Variants in ERC1 observed in about 807,000 individuals in gnomAD.
ERC1 encodes the protein ELKS/RAB6-interacting/CAST family member 1, also known as RAB6 interacting protein 2.
A neutral mutation model predicts 132.0 loss-of-function variants in ERC1; 56 were observed. The ratio of observed to expected loss-of-function variants is 0.42; its 90% confidence interval spans 0.34 to 0.53. ERC1 has a LOEUF of 0.53. ERC1 is among the 20% of genes least tolerant of loss of function. The pLI is 0.03. For missense variants in ERC1, 1,202 were observed against 1,349.9 expected (o/e 0.89, Z 1.72); for synonymous variants, 478 against 476.1 (o/e 1.00, Z -0.05).
chr12:1,296,401 C>CTTTTTTTTTTTTTTTTTTTTTT (rs57458560), intron 15 of ERC1, among the ~76,000 whole-genome samples: 1 of 76,206 alleles, frequency 1.3e-5, no homozygotes, highest in Non-Finnish European at 2.4e-5. Flanking sequence ...ATTGGATAGT[C>CTTTTTTTTTTTTTTTTTTTTTT]TTTTTTTTTT....
At chr12:1,296,452 C>T (rs182865577) in intron 15 of ERC1, among the ~76,000 whole-genome samples, 2 of 119,774 alleles carry the variant, frequency 1.7e-5, no homozygotes, top group African/African-American at 6.5e-5. Flanking sequence ...TCGCTCTTGT[C>T]CCCCAGGCTG....
At chr12:1,381,339 TA>T (rs1163643454) in intron 16 of ERC1, 6 of 152,116 alleles carry the variant, frequency 3.9e-5, no homozygotes, top group Non-Finnish European at 4.4e-5. Flanking sequence ...CAACGGCCCT[TA>T]TTTTTTTATT....
chr12:1,442,295 ACTAT>A (rs2093177691), intron 17 of ERC1, among the ~76,000 whole-genome samples: 1 of 152,200 alleles, frequency 6.6e-6, no homozygotes, highest in South Asian at 2.1e-4. Flanking sequence ...TTTGCAAAAA[ACTAT>A]CCAGCTCCCC....
At chr12:1,363,632 G>T (rs1054258494) in intron 15 of ERC1, among the ~76,000 whole-genome samples, 1 of 141,688 alleles carries the variant, frequency 7.1e-6, no homozygotes, top group African/African-American at 2.6e-5. Context: ...ACGGCTCACT[G>T]CAGCCTCGAC....
At chr12:1,350,463 C>T (rs1040487340) in intron 15 of ERC1, among the ~76,000 whole-genome samples, 2 of 152,160 alleles carry the variant, frequency 1.3e-5, no homozygotes, top group African/African-American at 4.8e-5. Flanking sequence ...TACAGGCTGG[C>T]TGTACTGACC....
At chr12:1,332,066 T>C (rs2082906745) in intron 15 of ERC1, among the ~76,000 whole-genome samples, 1 of 152,238 alleles carries the variant, frequency 6.6e-6, no homozygotes, top group South Asian at 2.1e-4. Context: ...TCATTTTCAC[T>C]ATTCTCACCT....
intron 15 of ERC1, among the ~76,000 whole-genome samples, chr12:1,318,105 A>C (rs2081892079): frequency 6.6e-6 from 1 of 152,208 alleles, no homozygotes; most frequent in Admixed American, 6.5e-5. Flanking sequence ...AATTTCCATG[A>C]TGTGATATCT....
chr12:1,109,100 G>A (rs1351924109), intron 4 of ERC1, among the ~76,000 whole-genome samples: 2 of 152,184 alleles, frequency 1.3e-5, no homozygotes, highest in Admixed American at 6.5e-5. Context: ...AGCACCTGCA[G>A]CTACAGATAC....
chr12:1,171,517 A>G (rs1366117445), intron 8 of ERC1, among the ~76,000 whole-genome samples: 1 of 152,120 alleles, frequency 6.6e-6, no homozygotes, highest in African/African-American at 2.4e-5. Context: ...CTCTTTGCCA[A>G]CTGATTATGA....
chr12:1,155,058 C>G (rs1331367773), intron 8 of ERC1, among the ~76,000 whole-genome samples: 1 of 152,148 alleles, frequency 6.6e-6, no homozygotes, highest in Non-Finnish European at 1.5e-5. Flanking sequence ...TGGCTCACAC[C>G]TGTAGTCCCA....
At chr12:1,366,263 A>G (rs1263784437) in intron 15 of ERC1, among the ~76,000 whole-genome samples, 4 of 152,264 alleles carry the variant, frequency 2.6e-5, no homozygotes, top group Admixed American at 1.3e-4. Flanking sequence ...AAACAGACCA[A>G]TAAACCAGAA....
At chr12:1,334,725 G>C (rs968834843) in intron 15 of ERC1, among the ~76,000 whole-genome samples, 4 of 152,024 alleles carry the variant, frequency 2.6e-5, no homozygotes, top group Non-Finnish European at 5.9e-5. Flanking sequence ...ATCTTTTTTG[G>C]TTTTCATATG....
chr12:1,131,653 G>A (rs1467864553), intron 7 of ERC1, among the ~76,000 whole-genome samples: 1 of 151,876 alleles, frequency 6.6e-6, no homozygotes, highest in Non-Finnish European at 1.5e-5. Context: ...TTTTAGTAGA[G>A]ATGGGGTTTC....
At chr12:1,231,566 C>T (rs931210078) in intron 12 of ERC1, among the ~76,000 whole-genome samples, 1 of 152,136 alleles carries the variant, frequency 6.6e-6, no homozygotes, top group East Asian at 1.9e-4. Context: ...AGTTTCAACT[C>T]AGCTCCCTTT....
At chr12:1,130,619 C>T (rs904315732) in intron 7 of ERC1, among the ~76,000 whole-genome samples, 3 of 130,620 alleles carry the variant, frequency 2.3e-5, no homozygotes, top group East Asian at 2.3e-4. Context: ...TATAAATTTG[C>T]GAAACGTATA....
chr12:1,339,668 G>T (rs966316602), intron 15 of ERC1, among the ~76,000 whole-genome samples: 1 of 152,214 alleles, frequency 6.6e-6, no homozygotes, highest in African/African-American at 2.4e-5. Context: ...CAGCCTGGGG[G>T]GCCAGAGAGC....
chr12:1,074,357 G>A (rs1397278835), intron 2 of ERC1, among the ~76,000 whole-genome samples: 1 of 151,834 alleles, frequency 6.6e-6, no homozygotes, highest in East Asian at 1.9e-4. Flanking sequence ...ACCCAGGCTG[G>A]AGTGCAGTGG....
chr12:1,257,338 T>G (rs1001466634), intron 13 of ERC1: 3 of 152,210 alleles, frequency 2.0e-5, no homozygotes, highest in African/African-American at 7.2e-5. Context: ...TTTTGAGTTC[T>G]TGACCCACAC....
At chr12:1,082,301 C>T (rs185385580) in intron 2 of ERC1, among the ~76,000 whole-genome samples, 31 of 151,476 alleles carry the variant, frequency 2.0e-4, no homozygotes, top group Admixed American at 7.9e-4. Context: ...GCTAGGATTA[C>T]AGGCGTGAAC....
Sources: gnomAD v4.1 joint callset for allele counts (sites outside exome capture counted in the v4.1 genomes callset) on GRCh38, gnomAD v4.1.1 for gene constraint, MANE v1.5 for transcripts, NCBI Gene and HGNC (gene_info 2026-07-23, HGNC 2026-07-21) for gene names.